The following PODXL2 variants were observed in gnomAD, a reference collection of about 807,000 sequenced individuals.
PODXL2 encodes podocalyxin-like protein 2.
A neutral mutation model predicts 53.4 loss-of-function variants in PODXL2; 17 were observed. The ratio of observed to expected loss-of-function variants is 0.32; its 90% confidence interval spans 0.22 to 0.48. The LOEUF (loss-of-function observed/expected upper bound fraction) is 0.48. Ranked by LOEUF, PODXL2 falls within the 20% of genes least tolerant of loss-of-function variation. PODXL2 has a pLI of 0.99. For missense variants in PODXL2, 673 were observed against 760.0 expected, an observed-to-expected ratio of 0.89 and a Z score of 1.35; for synonymous variants, 311 against 306.7, an observed-to-expected ratio of 1.01 and a Z score of -0.15.
intron 2 of PODXL2, among the ~76,000 whole-genome samples, chr3:127,648,249 G>A (rs1412143763): frequency 1.3e-5 from 2 of 152,188 alleles, no homozygotes. Context: ...TATCATTGCC[G>A]TAATCAATTT....
At chr3:127,660,240 C>G in intron 2 of PODXL2, 138 bp from the exon 3 acceptor site, 1 of 1,008,326 alleles carries the variant, frequency 9.9e-7, no homozygotes, top group Non-Finnish European at 1.4e-6. Flanking sequence ...CAGTCTGCTC[C>G]CCTGGCCTCT....
At chr3:127,638,607 TG>T (rs2074593182) in intron 1 of PODXL2, among the ~76,000 whole-genome samples, 1 of 151,774 alleles carries the variant, frequency 6.6e-6, no homozygotes, top group South Asian at 2.1e-4. Context: ...GCCAGCTACT[TG>T]GGGGGCTGAG....
chr3:127,654,176 T>C (rs560342139), intron 2 of PODXL2, among the ~76,000 whole-genome samples: 33 of 152,322 alleles, frequency 2.2e-4, no homozygotes, highest in Non-Finnish European at 3.8e-4. Context: ...AACCCTCTAA[T>C]CTTTCTTTGT....
intron 6 of PODXL2, among the ~76,000 whole-genome samples, chr3:127,669,439 G>T (rs1196711382): frequency 7.3e-6 from 1 of 136,272 alleles, no homozygotes; most frequent in Non-Finnish European, 1.6e-5. Context: ...GCAGAAAGGG[G>T]CCATGGGGGT....
At position 127,661,038 on chromosome 3, in the gene PODXL2, C is replaced by G; in HGVS notation, c.1010C>G (p.Ala337Gly). 6.2e-7 allele frequency: 1 copy of G among 1,614,142 alleles called. No individual in the cohort carries two copies. Among genetic ancestry groups the G allele is most frequent in the Non-Finnish European group, 8.5e-7 (1 of 1,179,964 alleles). ...GSRTSASSPLAPGDMELTPSS... is the reference protein window; with the variant it reads ...GSRTSASSPLGPGDMELTPSS... Reference sequence around the variant, plus strand: ...AGAACCTCAGCCTCTTCCCCACTGGCCCCTGGAGACATGGAACTGACACCT... The same window carrying G: ...AGAACCTCAGCCTCTTCCCCACTGGGCCCTGGAGACATGGAACTGACACCT... The change falls in exon 3 of 8, where the codon GCC becomes GGC. Residue 337 changes from alanine to glycine, a missense_variant. Ala to Gly is a moderately conservative substitution (Grantham distance 60). Around this residue, in one of 3 missense-constraint regions of PODXL2, gnomAD observed 588 missense variants for 668.3 expected, o/e 0.88. Coordinates refer to ENST00000342480, the MANE Select transcript of PODXL2 (RefSeq NM_015720.4).
intron 2 of PODXL2, among the ~76,000 whole-genome samples, chr3:127,645,058 C>T (rs918436201): frequency 6.6e-6 from 1 of 152,230 alleles, no homozygotes; most frequent in African/African-American, 2.4e-5. Flanking sequence ...CTTCTCAAAC[C>T]CCAAAGCCCA....
At chr3:127,635,517 T>A (rs576223282) in intron 1 of PODXL2, among the ~76,000 whole-genome samples, 1 of 152,364 alleles carries the variant, frequency 6.6e-6, no homozygotes, top group East Asian at 1.9e-4. Context: ...AAAGGAGAAC[T>A]TGATTTATAA....
chr3:127,664,161 C>T (rs911816393), intron 4 of PODXL2, among the ~76,000 whole-genome samples: 3 of 152,114 alleles, frequency 2.0e-5, no homozygotes, highest in Non-Finnish European at 4.4e-5. Context: ...TCCCGGCACC[C>T]ACCATTCTCC....
At chr3:127,664,719 G>A (rs1485307913) in intron 4 of PODXL2, among the ~76,000 whole-genome samples, 1 of 151,616 alleles carries the variant, frequency 6.6e-6, no homozygotes, top group Non-Finnish European at 1.5e-5. Flanking sequence ...TTTGGTTGGT[G>A]CAAAAGTAAT....
intron 4 of PODXL2, chr3:127,665,827 C>T: frequency 5.3e-6 from 2 of 376,738 alleles, no homozygotes; most frequent in Non-Finnish European, 1.1e-5. Context: ...CACACACGTG[C>T]TTACAAGATG....
At chr3:127,672,189 G>T (rs2074851126) in intron 7 of PODXL2, 79 bp from the exon 8 acceptor site, 3 of 1,197,840 alleles carry the variant, frequency 2.5e-6, no homozygotes, top group Non-Finnish European at 3.6e-6. Flanking sequence ...CCCTGGGTGG[G>T]GTTGCACAGA....
rs1435759039 is a variant in PODXL2, at chr3:127,669,207, G to C, written c.1425+5G>C. On this transcript the variant is annotated splice_donor_5th_base_variant and intron_variant, in intron 6 of 7. Coordinates refer to ENST00000342480, the MANE Select transcript of PODXL2 (RefSeq NM_015720.4). ...ATCCGCAGGAGCCTGGAGGAGGTAAGAGTGCAGGGACCTGGACCTGTTAGC... is the reference window on the plus strand; with the variant it reads ...ATCCGCAGGAGCCTGGAGGAGGTAACAGTGCAGGGACCTGGACCTGTTAGC... 1.3e-6 allele frequency: 2 copies of C among 1,599,192 alleles called. No individual in the cohort carries two copies. The highest frequency in any genetic ancestry group is 1.7e-6 in the Non-Finnish European group (2 of 1,170,690).
chr3:127,662,802 T>C (rs1436808522), intron 4 of PODXL2, among the ~76,000 whole-genome samples: 1 of 152,210 alleles, frequency 6.6e-6, no homozygotes, highest in Non-Finnish European at 1.5e-5. Context: ...CTGGGCCGTA[T>C]CACTTAGAAA....
chr3:127,661,030 C>T lies in PODXL2; in HGVS notation c.1002C>T (p.Ser334=). ...DPLGSRTSAS[S]PLAPGDMELT... ...TTGGCTCTAGAACCTCAGCCTCTTC[C>T]CCACTGGCCCCTGGAGACATGGAAC... Residue 334 remains serine, a synonymous_variant, in exon 3 of 8, where the codon TCC becomes TCT. Transcript: ENST00000342480. 1.9e-6 allele frequency: 3 copies of T among 1,614,242 alleles called. No homozygotes were observed. Among genetic ancestry groups the T allele is most frequent in the Non-Finnish European group, 2.5e-6 (3 of 1,180,032 alleles).
intron 6 of PODXL2, among the ~76,000 whole-genome samples, chr3:127,670,207 G>A (rs966831234): frequency 2.0e-5 from 3 of 152,206 alleles, no homozygotes; most frequent in Middle Eastern, 3.2e-3. Flanking sequence ...AGTACCAATG[G>A]TGTCCCCATG....
chr3:127,634,212 C>T (rs1019229692), intron 1 of PODXL2, among the ~76,000 whole-genome samples: 9 of 151,968 alleles, frequency 5.9e-5, no homozygotes, highest in African/African-American at 1.9e-4. Flanking sequence ...GATCACCTGA[C>T]GTCAGGAGTT....
chr3:127,648,847 C>CACT (rs2074672247), intron 2 of PODXL2, among the ~76,000 whole-genome samples: 2 of 139,200 alleles, frequency 1.4e-5, no homozygotes, highest in South Asian at 4.5e-4. Context: ...GGCTGGAGTG[C>CACT]ACTGGTGCGA....
intron 2 of PODXL2, among the ~76,000 whole-genome samples, chr3:127,658,998 C>G (rs1012172138): frequency 6.6e-6 from 1 of 151,132 alleles, no homozygotes; most frequent in African/African-American, 2.4e-5. Flanking sequence ...TTTTTTTTTC[C>G]CAGCCATTAA....
chr3:127,671,645 A>C, intron 7 of PODXL2, 32 bp downstream of exon 7: 1 of 1,598,058 alleles, frequency 6.3e-7, no homozygotes, highest in Non-Finnish European at 8.5e-7. Context: ...GCTGGGGGCC[A>C]GTTGAGAGGA....
Sources: gnomAD v4.1 joint callset for allele counts (sites outside exome capture counted in the v4.1 genomes callset) on GRCh38, gnomAD v4.1.1 for gene constraint, gnomAD v4.1.1 regional missense constraint, MANE v1.5 for transcripts, NCBI Gene and HGNC (gene_info 2026-07-23, HGNC 2026-07-21) for gene names.